RXFP2: variants seen among roughly 807,000 people sequenced by gnomAD.
RXFP2 encodes the protein relaxin family peptide receptor 2, also known as relaxin receptor 2.
RXFP2 carries 68 observed loss-of-function variants against 88.6 expected under a neutral mutation model. That is an observed-to-expected ratio of 0.77 (90% CI 0.63 to 0.94). The LOEUF (loss-of-function observed/expected upper bound fraction) is 0.94, where lower values mean the gene tolerates loss of function less well. RXFP2 is among the 40% of genes least tolerant of loss of function. The probability of loss-of-function intolerance (pLI) is 0.00; values close to 1 mark genes in which losing one functional copy is unlikely to be tolerated. For synonymous variants in RXFP2, 329 were observed against 306.8 expected, an observed-to-expected ratio of 1.07 and a Z score of -0.76; for missense variants, 791 against 893.9, an observed-to-expected ratio of 0.88 and a Z score of 1.47.
chr13:31,757,274 G>A (rs1478287997), intron 1 of RXFP2, among the ~76,000 whole-genome samples: 1 of 152,066 alleles, frequency 6.6e-6, no homozygotes, highest in Admixed American at 6.6e-5. Context: ...GGGCCTATGG[G>A]GTCAGAGGGA....
Position 31,792,911 on chromosome 13 carries a change from C to T in RXFP2, c.1609C>T (p.Gln537Ter). 6.2e-7 allele frequency: 1 copy of T among 1,614,160 alleles called. No homozygotes were observed. The change falls in exon 16 of 18, where the codon CAG becomes TAG. Residue 537 changes from glutamine to a stop codon, truncating the protein, a stop_gained. Coordinates refer to ENST00000298386, the MANE Select transcript of RXFP2 (RefSeq NM_130806.5). LOFTEE classifies it high-confidence loss of function. ...PFSNIRPGKR[Q>*]TSVILICIWM... ...CAGTAACATTCGACCTGGAAAACGGCAGACCTCAGTCATCCTCATTTGCAT... is the reference window on the plus strand; with the variant it reads ...CAGTAACATTCGACCTGGAAAACGGTAGACCTCAGTCATCCTCATTTGCAT...
At chr13:31,778,732 T>G in intron 9 of RXFP2, 149 bp downstream of exon 9, 2 of 751,814 alleles carry the variant, frequency 2.7e-6, no homozygotes, top group Non-Finnish European at 4.8e-6. Flanking sequence ...TCAAAATTAT[T>G]TGAGGGTTCC....
At chr13:31,755,213 C>T (rs1269517658) in intron 1 of RXFP2, among the ~76,000 whole-genome samples, 3 of 152,164 alleles carry the variant, frequency 2.0e-5, no homozygotes, top group South Asian at 4.1e-4. Flanking sequence ...TTATCACTAA[C>T]GAATGTGTTT....
chr13:31,781,968 T>A (rs1352472644), intron 10 of RXFP2, among the ~76,000 whole-genome samples: 1 of 152,066 alleles, frequency 6.6e-6, no homozygotes, highest in Admixed American at 6.6e-5. Flanking sequence ...TTTATTTCCG[T>A]GCACCTTCTC....
intron 17 of RXFP2, among the ~76,000 whole-genome samples, chr13:31,800,772 T>G (rs1874292628): frequency 6.6e-6 from 1 of 152,214 alleles, no homozygotes; most frequent in African/African-American, 2.4e-5. Context: ...CAATTCCCTT[T>G]GTGGGCACAA....
At chr13:31,773,562 T>A (rs1872811446) in intron 5 of RXFP2, among the ~76,000 whole-genome samples, 3 of 152,124 alleles carry the variant, frequency 2.0e-5, no homozygotes. Context: ...TACCCCTTCA[T>A]CTCCCCGCTT....
rs1874101824 is a variant in RXFP2 at position 31,797,308 on chromosome 13, A to G, written c.1894A>G (p.Arg632Gly). ...CACAGAAGTAAGGAATTGTTTTGGAAGAGAGGTGGCTGTTGCAAATCGTTT... is the reference window on the plus strand; with the variant it reads ...CACAGAAGTAAGGAATTGTTTTGGAGGAGAGGTGGCTGTTGCAAATCGTTT... Reference protein sequence around the residue: ...QTTEVRNCFGREVAVANRFFF... With the variant: ...QTTEVRNCFGGEVAVANRFFF... Residue 632 changes from arginine to glycine, a missense_variant, in exon 17 of 18, where the codon AGA (arginine) becomes GGA (glycine). By Grantham distance (125) the Arg-to-Gly change is moderately radical. Transcript: ENST00000298386. 1 of 1,613,982 alleles carries G rather than the reference A, an allele frequency of 6.2e-7. No individual in the cohort carries two copies. The highest frequency in any genetic ancestry group is 8.5e-7 in the Non-Finnish European group (1 of 1,179,852).
intron 1 of RXFP2, among the ~76,000 whole-genome samples, chr13:31,742,624 G>C (rs1871263210): frequency 6.6e-6 from 1 of 152,164 alleles, no homozygotes. Flanking sequence ...TCATCTTACT[G>C]TGAATAAATA....
chr13:31,765,780 T>G (rs565075183), intron 4 of RXFP2, among the ~76,000 whole-genome samples, 176 bp from the exon 5 acceptor site: 2 of 152,310 alleles, frequency 1.3e-5, no homozygotes, highest in South Asian at 4.1e-4. Flanking sequence ...AGCTACTTTA[T>G]TTTGCTTTAT....
chr13:31,761,931 A>G, intron 3 of RXFP2, 130 bp downstream of exon 3: 1 of 671,240 alleles, frequency 1.5e-6, no homozygotes, highest in Non-Finnish European at 2.7e-6. Flanking sequence ...TTCACTGGCT[A>G]ACAGGTCTGC....
In RXFP2 at chr13:31,765,099, G is replaced by T. The variant is rs776876670; in HGVS notation, c.382G>T (p.Asp128Tyr). ...KETELECVNGDLKSVPMISNN... is the reference protein window; with the variant it reads ...KETELECVNGYLKSVPMISNN... Reference sequence around the variant, plus strand: ...AACTGAATTGGAATGTGTAAATGGTGACTTAAAGTCTGTGCCGATGATTTC... The same window carrying T: ...AACTGAATTGGAATGTGTAAATGGTTACTTAAAGTCTGTGCCGATGATTTC... The change falls in exon 4 of 18, where the codon GAC becomes TAC. Residue 128 changes from aspartate (D) to tyrosine (Y), a missense_variant. Physicochemically the swap from Asp to Tyr is radical, Grantham distance 160. Transcript: ENST00000298386. The T allele has an allele frequency of 6.2e-7, 1 of 1,611,796 alleles. No individual in the cohort carries two copies. Among genetic ancestry groups the T allele is most frequent in the Non-Finnish European group, 8.5e-7 (1 of 1,178,136 alleles).
chr13:31,748,019 G>A (rs539927531), intron 1 of RXFP2, among the ~76,000 whole-genome samples: 2 of 152,214 alleles, frequency 1.3e-5, no homozygotes, highest in East Asian at 1.9e-4. Context: ...AAGGAGAACT[G>A]TCCACTGGCC....
At chr13:31,751,064 T>C (rs761501708) in intron 1 of RXFP2, among the ~76,000 whole-genome samples, 38 of 151,930 alleles carry the variant, frequency 2.5e-4, no homozygotes, top group Non-Finnish European at 5.6e-4. Flanking sequence ...CTGAGGTGGG[T>C]GGATCATCTG....
intron 13 of RXFP2, among the ~76,000 whole-genome samples, chr13:31,787,509 C>A (rs1873598099): frequency 6.6e-6 from 1 of 152,220 alleles, no homozygotes; most frequent in African/African-American, 2.4e-5. Context: ...TTGCTTACCG[C>A]ATACTGCATT....
At position 31,758,410 on chromosome 13, in the gene RXFP2, T is replaced by C; in HGVS notation, c.241+6T>C. 1 of 1,613,972 alleles carries C rather than the reference T, an allele frequency of 6.2e-7. No homozygotes were observed. The highest frequency in any genetic ancestry group is 2.2e-5 in the East Asian group (1 of 44,856). Reference sequence around the variant, plus strand: ...GGCGGACGAAGAGAACTGTGGTGAGTGCTCCCCTCGGCTCCCCATGTGTGC... The same window carrying C: ...GGCGGACGAAGAGAACTGTGGTGAGCGCTCCCCTCGGCTCCCCATGTGTGC... On this transcript the variant is annotated splice_donor_region_variant and intron_variant, in intron 2 of 17. Transcript: ENST00000298386.
At position 31,802,693 on chromosome 13, in the gene RXFP2, C is replaced by T. The variant is rs1874414410; in HGVS notation, c.*288C>T. On this transcript the variant is annotated 3_prime_UTR_variant, in exon 18 of 18. Transcript: ENST00000298386. ...GCTGATCTCTAGCTAATCAACACAA[C>T]CCACCAACAAATGACCACAGGTTGG... 1 of 426,666 alleles carries T rather than the reference C, an allele frequency of 2.3e-6. No homozygotes were observed. Among genetic ancestry groups the T allele is most frequent in the Non-Finnish European group, 4.4e-6 (1 of 229,084 alleles). The allele number at this position is 426,666 out of a possible 1,614,324, so 26.4% of individuals were successfully genotyped here.
chr13:31,754,190 C>T (rs558626426), intron 1 of RXFP2, among the ~76,000 whole-genome samples: 5 of 152,292 alleles, frequency 3.3e-5, no homozygotes, highest in African/African-American at 1.2e-4. Flanking sequence ...GCCGCCTAGA[C>T]GTTCTGCATA....
Position 31,774,656 on chromosome 13 carries a change from G to T in RXFP2, c.534G>T (p.Arg178Ser). Residue 178 changes from arginine to serine, a missense_variant, in exon 6 of 18, where the codon AGG (arginine) becomes AGT (serine). Arg to Ser is a moderately radical substitution (Grantham distance 110, BLOSUM62 -1). Coordinates refer to ENST00000298386, the MANE Select transcript of RXFP2 (RefSeq NM_130806.5). ...ATAATTGCATTAGACACATATCCAG[G>T]AAAGCATTTTTTGGATTATGTAATC... ...LQHNCIRHISRKAFFGLCNLQ... is the reference protein window; with the variant it reads ...LQHNCIRHISSKAFFGLCNLQ... 1 of 1,564,398 alleles carries T rather than the reference G, an allele frequency of 6.4e-7. No homozygotes were observed. The highest frequency in any genetic ancestry group is 1.1e-5 in the South Asian group (1 of 90,004).
chr13:31,761,500 G>T (rs1460176405), intron 2 of RXFP2, among the ~76,000 whole-genome samples: 3 of 152,094 alleles, frequency 2.0e-5, no homozygotes, highest in African/African-American at 7.2e-5. Context: ...TTATATACTT[G>T]CATTGCAAAT....
Sources: allele counts gnomAD v4.1 joint callset (sites outside exome capture counted in the v4.1 genomes callset), GRCh38; gene constraint gnomAD v4.1.1; transcripts MANE v1.5; gene names NCBI Gene and HGNC (gene_info 2026-07-23, HGNC 2026-07-21).